SPOCK3: variants seen among roughly 807,000 people sequenced by gnomAD.
SPOCK3 encodes the protein SPARC (osteonectin), cwcv and kazal like domains proteoglycan 3.
Under a neutral mutation model 56.6 loss-of-function variants are expected in SPOCK3, and 30 were observed. That is an observed-to-expected ratio of 0.53 (90% CI 0.40 to 0.72). The LOEUF is 0.72. Ranked by LOEUF, SPOCK3 falls within the 30% of genes least tolerant of loss-of-function variation. The pLI, the probability that SPOCK3 is intolerant of heterozygous loss-of-function variation, is 0.00. For synonymous variants in SPOCK3, 196 were observed against 183.3 expected, an observed-to-expected ratio of 1.07 and a Z score of -0.56; for missense variants, 527 against 530.0, an observed-to-expected ratio of 0.99 and a Z score of 0.06.
intron 4 of SPOCK3, among the ~76,000 whole-genome samples, chr4:166,928,844 C>T (rs62352349): frequency 4.1e-4 from 63 of 151,870 alleles, no homozygotes; most frequent in Admixed American, 1.3e-3. Flanking sequence ...GGTGGGTGCC[C>T]GAAATCCCAG....
intron 4 of SPOCK3, among the ~76,000 whole-genome samples, chr4:166,933,251 A>C (rs1310422609): frequency 2.6e-5 from 4 of 152,190 alleles, no homozygotes; most frequent in Non-Finnish European, 5.9e-5. Flanking sequence ...TGATAAAATG[A>C]AATAACCAAA....
chr4:166,863,101 A>G (rs1731409719), intron 6 of SPOCK3, among the ~76,000 whole-genome samples: 1 of 152,130 alleles, frequency 6.6e-6, no homozygotes, highest in Admixed American at 6.6e-5. Flanking sequence ...AGTGGGGGTC[A>G]ATATTCAACA....
chr4:166,825,756 C>A (rs1314442065), intron 6 of SPOCK3, among the ~76,000 whole-genome samples: 1 of 152,058 alleles, frequency 6.6e-6, no homozygotes, highest in Non-Finnish European at 1.5e-5. Flanking sequence ...CTGGATGGAG[C>A]TGGAAGCCAT....
At position 166,760,854 on chromosome 4, in the gene SPOCK3, A is replaced by G. The variant is rs1438626300; in HGVS notation, c.710-6125T>C. Among the ~76,000 whole-genome samples the G allele has an allele frequency of 1.6e-4, 7 of 42,442 alleles. 3 individuals carry two copies. The highest frequency in any genetic ancestry group is 7.9e-4 in the African/African-American group (7 of 8,880). The allele number at this position is 42,442 out of a possible 152,430, so 27.8% of individuals were successfully genotyped here. On this transcript the variant is annotated intron_variant, in intron 7 of 10. Transcript: ENST00000357545. Reference sequence around the variant, plus strand: ...GCATGGGCAAGGACTTCATGTCCAAAACACCAAAAGCAATGCAACAAAAGA... The same window carrying G: ...GCATGGGCAAGGACTTCATGTCCAAGACACCAAAAGCAATGCAACAAAAGA...
At chr4:167,036,925 A>G (rs1021345080) in intron 3 of SPOCK3, among the ~76,000 whole-genome samples, 1 of 152,158 alleles carries the variant, frequency 6.6e-6, no homozygotes, top group African/African-American at 2.4e-5. Flanking sequence ...GACCACATAG[A>G]GTGCTTCTCC....
intron 4 of SPOCK3, among the ~76,000 whole-genome samples, chr4:166,967,437 G>A (rs186536839): frequency 1.3e-3 from 204 of 152,252 alleles, no homozygotes; most frequent in African/African-American, 4.9e-3. Context: ...CTGGTGATTG[G>A]ATCATGGGGG....
chr4:167,232,037 G>A (rs1737230716), intron 2 of SPOCK3, among the ~76,000 whole-genome samples: 1 of 142,384 alleles, frequency 7.0e-6, no homozygotes, highest in South Asian at 2.1e-4. Context: ...TTTTCCTTGA[G>A]ATCCTAGAAT....
chr4:167,197,591 T>C (rs1733078913), intron 2 of SPOCK3, among the ~76,000 whole-genome samples: 1 of 149,848 alleles, frequency 6.7e-6, no homozygotes, highest in Non-Finnish European at 1.5e-5. Context: ...TACTCGAATG[T>C]CTTCATTGCC....
At chr4:167,018,428 C>A (rs1750854398) in intron 3 of SPOCK3, among the ~76,000 whole-genome samples, 1 of 152,008 alleles carries the variant, frequency 6.6e-6, no homozygotes, top group African/African-American at 2.4e-5. Context: ...GAGGAAAATT[C>A]TTGTCTTCTT....
intron 7 of SPOCK3, among the ~76,000 whole-genome samples, chr4:166,773,490 C>G (rs897484249): frequency 6.6e-6 from 1 of 152,014 alleles, no homozygotes; most frequent in South Asian, 2.1e-4. Flanking sequence ...AAAGCTAGAT[C>G]GCATTGTGTT....
intron 3 of SPOCK3, among the ~76,000 whole-genome samples, chr4:167,029,693 C>A (rs1464795186): frequency 6.6e-6 from 1 of 151,966 alleles, no homozygotes; most frequent in African/African-American, 2.4e-5. Context: ...TTCTCTCTGG[C>A]ATGTTTATGA....
At chr4:166,957,499 C>CCAT (rs1393775109) in intron 4 of SPOCK3, among the ~76,000 whole-genome samples, 13 of 152,144 alleles carry the variant, frequency 8.5e-5, no homozygotes, top group Non-Finnish European at 1.5e-4. Flanking sequence ...ATTTGCAACT[C>CCAT]CATCATTCTA....
intron 3 of SPOCK3, among the ~76,000 whole-genome samples, chr4:167,021,207 T>C (rs1222390622): frequency 6.6e-6 from 1 of 152,096 alleles, no homozygotes. Flanking sequence ...TACTATTTAC[T>C]ATAGCAAAAA....
intron 4 of SPOCK3, among the ~76,000 whole-genome samples, chr4:166,947,405 T>C (rs998377091): frequency 1.3e-5 from 2 of 152,174 alleles, no homozygotes; most frequent in African/African-American, 4.8e-5. Flanking sequence ...TTCCTGAATG[T>C]TCATTCATTA....
At chr4:166,880,720 G>A (rs1208272706) in intron 6 of SPOCK3, among the ~76,000 whole-genome samples, 1 of 152,056 alleles carries the variant, frequency 6.6e-6, no homozygotes, top group Non-Finnish European at 1.5e-5. Flanking sequence ...AATCGACAAG[G>A]CATAACCATT....
At chr4:166,835,623 G>A (rs1029683640) in intron 6 of SPOCK3, among the ~76,000 whole-genome samples, 1 of 151,980 alleles carries the variant, frequency 6.6e-6, no homozygotes, top group Admixed American at 6.6e-5. Flanking sequence ...TGGGCTATAC[G>A]TTTGTGGGTT....
chr4:166,849,658 T>C (rs1005634937), intron 6 of SPOCK3, among the ~76,000 whole-genome samples: 2 of 152,214 alleles, frequency 1.3e-5, no homozygotes, highest in Admixed American at 6.5e-5. Flanking sequence ...TTCTGTAGAA[T>C]TAAGTACATT....
At chr4:167,215,428 A>T (rs1735264229) in intron 2 of SPOCK3, among the ~76,000 whole-genome samples, 3 of 152,114 alleles carry the variant, frequency 2.0e-5, no homozygotes, top group Admixed American at 2.0e-4. Flanking sequence ...GTTGCATGTG[A>T]CTATAGTAAT....
At chr4:167,076,138 G>T (rs1482280714) in intron 2 of SPOCK3, among the ~76,000 whole-genome samples, 2 of 151,910 alleles carry the variant, frequency 1.3e-5, no homozygotes, top group Non-Finnish European at 2.9e-5. Context: ...GGTTGCCAGG[G>T]TTTGGGTGGG....
Sources: gnomAD v4.1 joint callset for allele counts (sites outside exome capture counted in the v4.1 genomes callset) on GRCh38, gnomAD v4.1.1 for gene constraint, MANE v1.5 for transcripts, NCBI Gene and HGNC (gene_info 2026-07-23, HGNC 2026-07-21) for gene names.